Variants in SYBU observed in about 807,000 individuals in gnomAD.
The protein encoded by SYBU is syntabulin.
In SYBU, 21 loss-of-function variants were observed where a neutral mutation model predicts 35.9. That is an observed-to-expected ratio of 0.58 (90% CI 0.41 to 0.84). SYBU has a LOEUF of 0.84. Ranked by LOEUF, SYBU falls within the 40% of genes least tolerant of loss-of-function variation. The pLI is 0.00. For missense variants in SYBU, 768 were observed against 848.2 expected, an observed-to-expected ratio of 0.91 and a Z score of 1.17; for synonymous variants, 319 against 324.3, an observed-to-expected ratio of 0.98 and a Z score of 0.18.
intron 1 of SYBU, among the ~76,000 whole-genome samples, chr8:109,652,496 G>A (rs929612499): frequency 3.9e-5 from 6 of 152,082 alleles, no homozygotes; most frequent in African/African-American, 1.4e-4. Context: ...TTACTGCCTG[G>A]ATGTAACCTT....
intron 3 of SYBU, among the ~76,000 whole-genome samples, chr8:109,597,278 G>A (rs894777565): frequency 7.9e-5 from 12 of 152,196 alleles, no homozygotes; most frequent in Admixed American, 7.9e-4. Context: ...ATGGGGGAAA[G>A]CTTCCCTGAC....
chr8:109,582,764 C>A (rs1169540773), intron 4 of SYBU, among the ~76,000 whole-genome samples: 4 of 152,074 alleles, frequency 2.6e-5, no homozygotes, highest in African/African-American at 4.8e-5. Context: ...AATAATGGGG[C>A]TTTAAAAAGT....
At position 109,575,864 on chromosome 8, in the gene SYBU, C is replaced by T. The variant is rs776365752; in HGVS notation, c.1034G>A (p.Arg345Gln). 8 of 1,613,860 alleles carry T rather than the reference C, an allele frequency of 5.0e-6. No homozygotes were observed. The highest frequency in any genetic ancestry group is 2.2e-5 in the East Asian group (1 of 44,874). ...KQLKQVIETM[R>Q]SSLADKDKGI... ...TTTATCTTTATCAGCCAAGCTGCTCCGCATGGTTTCGATGACCTGTTTGAG... is the reference window on the plus strand; with the variant it reads ...TTTATCTTTATCAGCCAAGCTGCTCTGCATGGTTTCGATGACCTGTTTGAG... Residue 345 changes from arginine to glutamine, a missense_variant, in exon 7 of 7, where the codon CGG becomes CAG. Coordinates refer to ENST00000276646, the MANE Select transcript of SYBU (RefSeq NM_001099754.2).
chr8:109,631,549 C>T (rs909689763), intron 2 of SYBU, among the ~76,000 whole-genome samples: 1 of 152,210 alleles, frequency 6.6e-6, no homozygotes, highest in African/African-American at 2.4e-5. Context: ...CTCTCTGGAA[C>T]ACGGGCCGAG....
At chr8:109,644,012 C>G (rs148040477) in intron 1 of SYBU, 228 of 436,026 alleles carry the variant, frequency 5.2e-4, no homozygotes, top group African/African-American at 3.9e-3. Context: ...AACAAACACC[C>G]TTTCGAAACA....
At chr8:109,585,308 A>C (rs1271773213) in intron 4 of SYBU, among the ~76,000 whole-genome samples, 3 of 152,190 alleles carry the variant, frequency 2.0e-5, no homozygotes. Flanking sequence ...AATGGAGAGA[A>C]TTGGTTGATG....
Position 109,575,992 on chromosome 8 carries a change from A to C in SYBU, c.906T>G (p.Leu302=). 1 of 1,600,858 alleles carries C rather than the reference A, an allele frequency of 6.2e-7. No individual in the cohort carries two copies. The highest frequency in any genetic ancestry group is 8.5e-7 in the Non-Finnish European group (1 of 1,177,630). The change falls in exon 7 of 7, where the codon CTT becomes CTG. Residue 302 remains leucine, a synonymous_variant. Transcript: ENST00000276646. ...CTCGCATGCGGGCCAGCTGGGACTT[A>C]AGCTCCACGATTTCACTTTCCCTAG... The part of the protein sequence containing the change: ...LHERESEIVE[L]KSQLARMRED...
chr8:109,599,191 C>T (rs1254250047), intron 3 of SYBU, among the ~76,000 whole-genome samples: 1 of 152,244 alleles, frequency 6.6e-6, no homozygotes, highest in Non-Finnish European at 1.5e-5. Context: ...TGAACACAGA[C>T]TATACTAGCA....
chr8:109,632,198 C>T (rs140577257), intron 2 of SYBU, among the ~76,000 whole-genome samples: 83 of 152,076 alleles, frequency 5.5e-4, no homozygotes, highest in Non-Finnish European at 9.7e-4. Flanking sequence ...TACAGGCGCC[C>T]GCCACCATGC....
intron 3 of SYBU, among the ~76,000 whole-genome samples, chr8:109,593,406 C>T (rs1468327685): frequency 6.6e-6 from 1 of 152,192 alleles, no homozygotes; most frequent in South Asian, 2.1e-4. Flanking sequence ...CCCCACGGCT[C>T]TCCAGAAACA....
Position 109,607,771 on chromosome 8 carries a change from C to T in SYBU, c.427+11071G>A, listed in dbSNP as rs1389169842. On this transcript the variant is annotated intron_variant, in intron 3 of 6. Transcript: ENST00000276646. ...AGTATCTGAGAGGTGAAGATGAAAA[C>T]TTGTTTTAGGCTCCATTTTGGCCTA... The T allele has an allele frequency of 8.3e-6, 4 of 484,328 alleles. No individual in the cohort carries two copies. In the South Asian group the frequency reaches 1.1e-4, roughly 14 times the overall value. The allele number at this position is 484,328 out of a possible 1,614,324, so 30.0% of individuals were successfully genotyped here. A position where few individuals can be genotyped will look rare whatever the true frequency, so the allele number is the denominator to read the frequency against.
chr8:109,630,812 CA>C (rs1344483723), intron 2 of SYBU, among the ~76,000 whole-genome samples: 2 of 152,092 alleles, frequency 1.3e-5, no homozygotes, highest in Admixed American at 6.6e-5. Flanking sequence ...GCCTGGGGCC[CA>C]GGGGGGATGT....
chr8:109,660,665 T>C (rs185541887), intron 1 of SYBU, among the ~76,000 whole-genome samples: 1 of 152,324 alleles, frequency 6.6e-6, no homozygotes, highest in Admixed American at 6.5e-5. Flanking sequence ...ACACATCTAT[T>C]AATTAATACT....
intron 3 of SYBU, among the ~76,000 whole-genome samples, chr8:109,600,778 A>C (rs747561198): frequency 3.3e-5 from 5 of 152,238 alleles, no homozygotes; most frequent in Non-Finnish European, 7.3e-5. Context: ...TGTGAAAAAC[A>C]ATCTGCACAT....
chr8:109,605,357 A>G (rs962475813), intron 3 of SYBU, among the ~76,000 whole-genome samples: 16 of 152,336 alleles, frequency 1.1e-4, no homozygotes, highest in Non-Finnish European at 1.5e-4. Flanking sequence ...GTGATATTGC[A>G]TCTGAAATTA....
intron 2 of SYBU, among the ~76,000 whole-genome samples, chr8:109,637,271 A>G (rs561501232): frequency 7.3e-4 from 111 of 152,346 alleles, no homozygotes; most frequent in African/African-American, 2.5e-3. Flanking sequence ...AAACATTCTC[A>G]TAAAGACAGG....
chr8:109,689,854 A>AAAAAC (rs1286570525), intron 1 of SYBU, among the ~76,000 whole-genome samples: 4 of 143,400 alleles, frequency 2.8e-5, no homozygotes, highest in African/African-American at 1.0e-4. Context: ...AAAAAAAAAA[A>AAAAAC]ACCATGACTA....
At chr8:109,616,950 C>T (rs1811865251) in intron 3 of SYBU, among the ~76,000 whole-genome samples, 1 of 151,938 alleles carries the variant, frequency 6.6e-6, no homozygotes, top group East Asian at 1.9e-4. Context: ...ACCAGCCTGA[C>T]CAACATGGTG....
At chr8:109,642,624 A>G in intron 2 of SYBU, 104 bp downstream of exon 2, 1 of 627,510 alleles carries the variant, frequency 1.6e-6, no homozygotes, top group Non-Finnish European at 2.5e-6. Flanking sequence ...TCCTAATAGT[A>G]GAAGTGTAGT....
Sources: gnomAD v4.1 joint callset for allele counts (sites outside exome capture counted in the v4.1 genomes callset) on GRCh38, gnomAD v4.1.1 for gene constraint, MANE v1.5 for transcripts, NCBI Gene and HGNC (gene_info 2026-07-23, HGNC 2026-07-21) for gene names.